CHUK: variants seen among roughly 807,000 people sequenced by gnomAD.
CHUK encodes the protein inhibitor of nuclear factor kappa-B kinase subunit alpha.
CHUK carries 35 observed loss-of-function variants against 104.8 expected under a neutral mutation model. The observed-to-expected ratio is 0.33, with a 90% CI of 0.26 to 0.44. The LOEUF (loss-of-function observed/expected upper bound fraction) is 0.44. Among genes scored for constraint, CHUK ranks in the 20% least tolerant of loss-of-function variants. CHUK has a pLI of 1.00. For synonymous variants in CHUK, 276 were observed against 291.9 expected (o/e 0.95, Z 0.56); for missense variants, 663 against 902.7 (o/e 0.73, Z 3.40).
intron 9 of CHUK, among the ~76,000 whole-genome samples, chr10:100,211,011 T>G (rs776505731): frequency 1.3e-5 from 2 of 152,250 alleles, no homozygotes; most frequent in African/African-American, 2.4e-5. Flanking sequence ...CATTGACTAG[T>G]ATATGCAAAT....
chr10:100,215,212 A>G (rs1385096609), intron 9 of CHUK, among the ~76,000 whole-genome samples: 2 of 135,872 alleles, frequency 1.5e-5, no homozygotes, highest in Admixed American at 7.2e-5. Flanking sequence ...GAGGCTCCAT[A>G]TCAAAAAAAA....
At chr10:100,204,173 G>A (rs375243742) in intron 13 of CHUK, among the ~76,000 whole-genome samples, 3 of 152,106 alleles carry the variant, frequency 2.0e-5, no homozygotes, top group Non-Finnish European at 2.9e-5. Flanking sequence ...ATGTATTTTG[G>A]GGGGGATACA....
intron 5 of CHUK, among the ~76,000 whole-genome samples, chr10:100,219,643 C>CT (rs2134244578): frequency 6.6e-6 from 1 of 152,200 alleles, no homozygotes; most frequent in African/African-American, 2.4e-5. Context: ...TAACACAGTG[C>CT]TTGGTACATG....
At chr10:100,210,938 C>A (rs1845714397) in intron 9 of CHUK, among the ~76,000 whole-genome samples, 1 of 152,204 alleles carries the variant, frequency 6.6e-6, no homozygotes, top group Admixed American at 6.5e-5. Context: ...ATTTTAAATT[C>A]TCTTCCTTCC....
Position 100,189,632 on chromosome 10 carries a change from A to C in CHUK, c.2209-5T>G, listed in dbSNP as rs1845147265. ...TAACCAACTCCAATCAAGATTCTAAAACCAGGCATGAAAAAGTTACAATTA... is the reference window on the plus strand; with the variant it reads ...TAACCAACTCCAATCAAGATTCTAACACCAGGCATGAAAAAGTTACAATTA... On this transcript the variant is annotated splice_polypyrimidine_tract_variant and splice_region_variant and intron_variant, in intron 20 of 20. Transcript: ENST00000370397. 2.5e-6 allele frequency: 4 copies of C among 1,609,828 alleles called. No homozygotes were observed.
intron 13 of CHUK, among the ~76,000 whole-genome samples, chr10:100,203,084 A>G (rs1845507941): frequency 6.6e-6 from 1 of 152,166 alleles, no homozygotes; most frequent in South Asian, 2.1e-4. Flanking sequence ...CTTGAATATG[A>G]TTTTTAAAAA....
At chr10:100,203,696 G>A (rs1244824139) in intron 13 of CHUK, among the ~76,000 whole-genome samples, 2 of 152,100 alleles carry the variant, frequency 1.3e-5, no homozygotes, top group African/African-American at 2.4e-5. Flanking sequence ...TAGTACATCT[G>A]AAGGAGATAA....
At chr10:100,224,004 G>A (rs192137670) in intron 2 of CHUK, among the ~76,000 whole-genome samples, 4 of 152,090 alleles carry the variant, frequency 2.6e-5, no homozygotes, top group Admixed American at 6.5e-5. Flanking sequence ...GTAACAAACA[G>A]AATGTGGTGG....
At chr10:100,187,964 C>T (rs1040858028), downstream of CHUK, 1 of 152,096 alleles carries the variant, frequency 6.6e-6, no homozygotes. Context: ...AACAGGTACC[C>T]AATAAATGTT....
At chr10:100,210,094 T>TA (rs1554897588) in intron 9 of CHUK, among the ~76,000 whole-genome samples, 3,070 of 105,686 alleles carry the variant, frequency 0.029, 82 homozygotes, top group African/African-American at 0.075. Flanking sequence ...TTTATTTATT[T>TA]TTTTTTTTTT....
At chr10:100,186,765 T>C (rs1306807212), downstream of CHUK, 2 of 152,260 alleles carry the variant, frequency 1.3e-5, no homozygotes, top group East Asian at 3.9e-4. Context: ...GAAAAAGGTA[T>C]AGTTGGGAGA....
Position 100,219,116 on chromosome 10 carries a change from TC to T in CHUK, c.580del (p.Glu194ArgfsTer74). The T allele has an allele frequency of 6.2e-7, 1 of 1,613,776 alleles. No homozygotes were observed. Among genetic ancestry groups the T allele is most frequent in the South Asian group, 1.1e-5 (1 of 91,074 alleles). On this transcript the variant is annotated frameshift_variant, in exon 7 of 21. Coordinates refer to ENST00000370397, the MANE Select transcript of CHUK (RefSeq NM_001278.5). LOFTEE classifies it high-confidence loss of function. ...TLQYLAPELF[E>X]NKPYTATVDY... is the part of the protein sequence containing the mutation. ...AACAGTGGCTGTGTAAGGCTTATTC[TC>T]AAAGAGCTCTGGGGCCTTCAAAAGA...
intron 20 of CHUK, chr10:100,190,205 A>G (rs889638530): frequency 2.0e-5 from 3 of 153,734 alleles, no homozygotes; most frequent in African/African-American, 7.3e-5. Flanking sequence ...TATTTTTTAT[A>G]AAGACAGGGT....
At chr10:100,227,825 C>T (rs1846139098) in intron 1 of CHUK, among the ~76,000 whole-genome samples, 1 of 152,204 alleles carries the variant, frequency 6.6e-6, no homozygotes, top group African/African-American at 2.4e-5. Context: ...TTTCTCACTA[C>T]ACCCATGTTC....
rs772821906 is a variant in CHUK, at chr10:100,193,993, T to G, written c.1965A>C (p.Lys655Asn). ...ATTAATAATTACTTACACAGGCAAT[T>G]TTAAGGAGATGCCATATTTCTTTCT... ...KRQKEIWHLL[K>N]IACTQSSARS... The change falls in exon 18 of 21, where the codon AAA (lysine) becomes AAC (asparagine). Residue 655 changes from lysine (K) to asparagine (N), a missense_variant. Coordinates refer to ENST00000370397, the MANE Select transcript of CHUK (RefSeq NM_001278.5). 6.2e-7 allele frequency: 1 copy of G among 1,613,372 alleles called. No individual in the cohort carries two copies. Among genetic ancestry groups the G allele is most frequent in the Admixed American group, 1.7e-5 (1 of 60,000 alleles).
At chr10:100,208,086 G>A (rs1348585654) in intron 10 of CHUK, among the ~76,000 whole-genome samples, 2 of 152,110 alleles carry the variant, frequency 1.3e-5, no homozygotes, top group Non-Finnish European at 2.9e-5. Flanking sequence ...TAGTTTCAGA[G>A]TACTGGGCTT....
rs751022457 is a variant in CHUK at position 100,220,572 on chromosome 10, T to C, written c.474+16A>G. ...ATATTCAATAGGCATGAAACATTAC[T>C]TCAGGTTTCACCTACCTTTCCACCA... On this transcript the variant is annotated intron_variant, in intron 5 of 20. Coordinates refer to ENST00000370397, the MANE Select transcript of CHUK (RefSeq NM_001278.5). 2 of 1,535,550 alleles carry C rather than the reference T, an allele frequency of 1.3e-6. No individual in the cohort carries two copies. The highest frequency in any genetic ancestry group is 1.8e-6 in the Non-Finnish European group (2 of 1,109,074).
chr10:100,202,772 AT>A (rs869170378), intron 13 of CHUK, among the ~76,000 whole-genome samples: 6 of 151,300 alleles, frequency 4.0e-5, no homozygotes, highest in East Asian at 1.9e-4. Context: ...AACAAAAAAA[AT>A]TTTTTTTTGA....
chr10:100,213,448 G>A (rs537867225), intron 9 of CHUK, among the ~76,000 whole-genome samples: 3 of 151,166 alleles, frequency 2.0e-5, no homozygotes, highest in Non-Finnish European at 4.4e-5. Flanking sequence ...ATTGCACCAT[G>A]GTACTCTAGC....
Sources: gnomAD v4.1 joint callset for allele counts (sites outside exome capture counted in the v4.1 genomes callset) on GRCh38, gnomAD v4.1.1 for gene constraint, MANE v1.5 for transcripts, NCBI Gene and HGNC (gene_info 2026-07-23, HGNC 2026-07-21) for gene names.